TNFRSF19: variants seen among roughly 807,000 people sequenced by gnomAD.
The protein encoded by TNFRSF19 is TNF receptor superfamily member 19.
TNFRSF19 carries 27 observed loss-of-function variants against 46.4 expected under a neutral mutation model. The observed-to-expected ratio is 0.58, with a 90% CI of 0.43 to 0.80. The LOEUF is 0.80. Among genes scored for constraint, TNFRSF19 ranks in the 30% least tolerant of loss-of-function variants. The pLI, the probability that TNFRSF19 is intolerant of heterozygous loss-of-function variation, is 0.00. For missense variants in TNFRSF19, 511 were observed against 530.8 expected, an observed-to-expected ratio of 0.96 and a Z score of 0.37; for synonymous variants, 204 against 205.0, an observed-to-expected ratio of 1.00 and a Z score of 0.04.
intron 5 of TNFRSF19, among the ~76,000 whole-genome samples, chr13:23,645,356 C>A (rs1169645620): frequency 6.6e-6 from 1 of 152,006 alleles, no homozygotes; most frequent in Non-Finnish European, 1.5e-5. Flanking sequence ...TGTGCACCAC[C>A]ATGCCCGGCT....
At position 23,675,579 on chromosome 13, in the gene TNFRSF19, C is replaced by T. The variant is rs1293147415; in HGVS notation, c.*2199C>T. ...TTACCCTACCTACTCTAGAAATATA[C>T]AACAATGTTATATTTTACACTCCTT... is the stretch of plus-strand genomic sequence containing the variant. On this transcript the variant is annotated 3_prime_UTR_variant, in exon 10 of 10. Transcript: ENST00000248484. The T allele has an allele frequency of 6.6e-6, 1 of 152,138 alleles. No individual in the cohort carries two copies. The highest frequency in any genetic ancestry group is 1.5e-5 in the Non-Finnish European group (1 of 68,026). 9.4% of individuals were successfully genotyped at this position (152,138 alleles called of 1,614,324 possible).
intron 1 of TNFRSF19, among the ~76,000 whole-genome samples, chr13:23,576,241 C>T (rs1052411023): frequency 3.3e-5 from 5 of 151,408 alleles, no homozygotes; most frequent in African/African-American, 1.2e-4. Context: ...TCAAATAATT[C>T]TCCTGCCTCA....
chr13:23,601,038 T>C (rs1880119814), intron 3 of TNFRSF19, among the ~76,000 whole-genome samples: 1 of 152,180 alleles, frequency 6.6e-6, no homozygotes, highest in Admixed American at 6.5e-5. Flanking sequence ...TCATGAATAT[T>C]CTGATTTAAT....
chr13:23,589,649 A>G (rs1879108514), intron 1 of TNFRSF19, among the ~76,000 whole-genome samples: 1 of 152,210 alleles, frequency 6.6e-6, no homozygotes, highest in African/African-American at 2.4e-5. Flanking sequence ...GAGTTTCCCC[A>G]TCGCTAAAAT....
intron 1 of TNFRSF19, among the ~76,000 whole-genome samples, chr13:23,583,695 G>A (rs534766903): frequency 6.6e-6 from 1 of 152,258 alleles, no homozygotes; most frequent in South Asian, 2.1e-4. Context: ...TACTTACACT[G>A]GAGAAGAACA....
intron 5 of TNFRSF19, among the ~76,000 whole-genome samples, chr13:23,657,142 A>G (rs565345331): frequency 6.6e-6 from 1 of 152,324 alleles, no homozygotes; most frequent in East Asian, 1.9e-4. Flanking sequence ...TAAGCCCAAA[A>G]CATATGGTGT....
At chr13:23,623,095 C>T (rs79989762) in intron 4 of TNFRSF19, among the ~76,000 whole-genome samples, 1,615 of 152,238 alleles carry the variant, frequency 0.011, 28 homozygotes, top group African/African-American at 0.037. Flanking sequence ...ACTCTATACC[C>T]GTTAAACAAC....
chr13:23,579,191 G>A (rs1486044150), intron 1 of TNFRSF19, among the ~76,000 whole-genome samples: 1 of 152,220 alleles, frequency 6.6e-6, no homozygotes, highest in Non-Finnish European at 1.5e-5. Flanking sequence ...CGCGGAGTGG[G>A]GGCCTCCAAA....
chr13:23,620,056 A>G (rs1221180361), intron 4 of TNFRSF19, among the ~76,000 whole-genome samples: 1 of 152,236 alleles, frequency 6.6e-6, no homozygotes. Flanking sequence ...ATTTATTTAT[A>G]TGATTACTTT....
At chr13:23,591,449 TC>T (rs1026893299) in intron 2 of TNFRSF19, among the ~76,000 whole-genome samples, 2 of 151,590 alleles carry the variant, frequency 1.3e-5, no homozygotes, top group African/African-American at 4.9e-5. Context: ...TGAGACTTTG[TC>T]TCAGAAATAA....
At chr13:23,593,820 G>C (rs7331456) in intron 3 of TNFRSF19, among the ~76,000 whole-genome samples, 2,310 of 152,270 alleles carry the variant, frequency 0.015, 56 homozygotes, top group African/African-American at 0.052. Flanking sequence ...CAAGATGGCC[G>C]AATAGGAACA....
intron 1 of TNFRSF19, among the ~76,000 whole-genome samples, chr13:23,575,609 T>C (rs1877903734): frequency 6.6e-6 from 1 of 152,224 alleles, no homozygotes; most frequent in South Asian, 2.1e-4. Flanking sequence ...TTTGGAAAAC[T>C]TTATTACTCT....
At chr13:23,601,372 A>G (rs1398963941) in intron 3 of TNFRSF19, among the ~76,000 whole-genome samples, 1 of 152,186 alleles carries the variant, frequency 6.6e-6, no homozygotes, top group African/African-American at 2.4e-5. Context: ...AGCACCTAAA[A>G]TTCTGTACCC....
chr13:23,651,544 C>A (rs1167786755), intron 5 of TNFRSF19, among the ~76,000 whole-genome samples: 1 of 152,124 alleles, frequency 6.6e-6, no homozygotes, highest in East Asian at 1.9e-4. Flanking sequence ...AGACAGAAAG[C>A]ATAATTAGTT....
At chr13:23,620,421 A>G (rs2138270807) in intron 4 of TNFRSF19, among the ~76,000 whole-genome samples, 1 of 152,298 alleles carries the variant, frequency 6.6e-6, no homozygotes, top group East Asian at 1.9e-4. Context: ...AGTAGCAGGT[A>G]GGGTGTGGAA....
intron 5 of TNFRSF19, among the ~76,000 whole-genome samples, chr13:23,637,448 TCC>T (rs1882760593): frequency 6.6e-6 from 1 of 152,248 alleles, no homozygotes; most frequent in Non-Finnish European, 1.5e-5. Context: ...TGAATCGACT[TCC>T]TGTTCCAAGT....
At chr13:23,650,654 C>G (rs1883575752) in intron 5 of TNFRSF19, among the ~76,000 whole-genome samples, 1 of 152,050 alleles carries the variant, frequency 6.6e-6, no homozygotes, top group South Asian at 2.1e-4. Context: ...TAAGAATGTT[C>G]TAGAATTAGT....
intron 3 of TNFRSF19, among the ~76,000 whole-genome samples, chr13:23,614,894 G>A (rs768549082): frequency 7.2e-5 from 11 of 151,966 alleles, no homozygotes; most frequent in South Asian, 2.1e-4. Context: ...CTTCTCTGAC[G>A]CTCTATCCCC....
At chr13:23,648,890 G>A (rs1249460870) in intron 5 of TNFRSF19, among the ~76,000 whole-genome samples, 1 of 152,044 alleles carries the variant, frequency 6.6e-6, no homozygotes, top group Non-Finnish European at 1.5e-5. Flanking sequence ...ATTGACTTTT[G>A]TATGATTAAC....
Sources: gnomAD v4.1 joint callset for allele counts (sites outside exome capture counted in the v4.1 genomes callset) on GRCh38, gnomAD v4.1.1 for gene constraint, MANE v1.5 for transcripts, NCBI Gene and HGNC (gene_info 2026-07-23, HGNC 2026-07-21) for gene names.